The following CARNS1 variants were observed in gnomAD, a reference collection of about 807,000 sequenced individuals.
The protein encoded by CARNS1 is ATP-grasp domain containing 1.
CARNS1 carries 61 observed loss-of-function variants against 74.0 expected under a neutral mutation model. The observed-to-expected ratio is 0.82, with a 90% CI of 0.67 to 1.02. The LOEUF (loss-of-function observed/expected upper bound fraction) is 1.02. CARNS1 is among the 50% of genes least tolerant of loss of function. The pLI is 0.00. For missense variants in CARNS1, 1,278 were observed against 1,308.4 expected (o/e 0.98, Z 0.36); for synonymous variants, 568 against 605.5 (o/e 0.94, Z 0.91).
rs750645891 is a variant in CARNS1, at chr11:67,418,903, G to A, written c.512G>A (p.Arg171His). Residue 171 changes from arginine (R) to histidine (H), a missense_variant, in exon 5 of 10, where the codon CGT becomes CAT. Around this residue, in one of 3 missense-constraint regions of CARNS1, gnomAD observed 1,164 missense variants for 1,156.5 expected, o/e 1.01. Coordinates refer to ENST00000687366, the MANE Select transcript of CARNS1 (RefSeq NM_001166222.2). The part of the protein sequence containing the change: ...TFLDDFVPPR[R>H]ATYFLAGLGL... ...CTGGATGACTTTGTCCCCCCGCGCC[G>A]TGCCACCTACTTTTTGGCAGGCCTG... is the stretch of plus-strand genomic sequence containing the variant. 49 of 1,594,446 alleles carry A rather than the reference G, an allele frequency of 3.1e-5. No homozygotes were observed. The highest frequency in any genetic ancestry group is 4.6e-5 in the East Asian group (2 of 43,944).
chr11:67,423,547 G>A lies in CARNS1; in HGVS notation c.1799G>A (p.Cys600Tyr). ...GGCTGCTTCTCCTACTGGGATGACT[G>A]CCTGGTGCTCACAGCCCTGCTCTGC... ...LDGCFSYWDD[C>Y]LVLTALLCQE... is the part of the protein sequence containing the mutation. The change falls in exon 10 of 10, where the codon TGC (cysteine) becomes TAC (tyrosine). Residue 600 changes from cysteine to tyrosine, a missense_variant. Physicochemically the swap from Cys to Tyr is radical, Grantham distance 194 (BLOSUM62 -2). This residue lies in a region of CARNS1 where 1,164 missense variants were observed against 1,156.5 expected (regional missense o/e 1.01). Coordinates refer to ENST00000687366, the MANE Select transcript of CARNS1 (RefSeq NM_001166222.2). This position sits in a 1 kb window ranked among gnomAD's most constrained non-coding sequence, Gnocchi z 5.1. The A allele has an allele frequency of 2.5e-6, 4 of 1,612,604 alleles. No individual in the cohort carries two copies. Among genetic ancestry groups the A allele is most frequent in the Non-Finnish European group, 3.4e-6 (4 of 1,179,306 alleles).
In CARNS1 at chr11:67,421,240, G is replaced by A. The variant is rs1016458720; in HGVS notation, c.1626+21G>A. On this transcript the variant is annotated intron_variant, in intron 9 of 9. Coordinates refer to ENST00000687366, the MANE Select transcript of CARNS1 (RefSeq NM_001166222.2). ...TCCAGGTGGGCGGGGCGCGGGGCGG[G>A]GCTGGGCCCCAGGTCCTGGCCCGAG... is the stretch of plus-strand genomic sequence containing the variant. The A allele has an allele frequency of 2.0e-6, 3 of 1,470,692 alleles. No individual in the cohort carries two copies. In the African/African-American group the frequency reaches 4.4e-5, roughly 22 times the overall value. 91.1% of individuals were successfully genotyped at this position (1,470,692 alleles called of 1,614,324 possible).
Position 67,423,829 on chromosome 11 carries a change from G to C in CARNS1, c.2081G>C (p.Cys694Ser). ...GVRLVEDAPQ[C>S]HEHFSRITRD... ...CGGCTGGTAGAGGATGCGCCACAGT[G>C]CCATGAGCACTTTTCCCGGATTACC... is the stretch of plus-strand genomic sequence containing the variant. The change falls in exon 10 of 10, where the codon TGC (cysteine) becomes TCC (serine). Residue 694 changes from cysteine to serine, a missense_variant. Cys to Ser is a moderately radical substitution (Grantham distance 112). Transcript: ENST00000687366. This position sits in a 1 kb window ranked among gnomAD's most constrained non-coding sequence, Gnocchi z 5.1. 1 of 1,610,958 alleles carries C rather than the reference G, an allele frequency of 6.2e-7. No homozygotes were observed. Among genetic ancestry groups the C allele is most frequent in the Non-Finnish European group, 8.5e-7 (1 of 1,179,836 alleles).
chr11:67,416,075 C>T (rs1003012340), intron 1 of CARNS1, 101 bp from the exon 2 acceptor site: 21 of 747,382 alleles, frequency 2.8e-5, no homozygotes, highest in Middle Eastern at 2.3e-4. Flanking sequence ...GGACAGGTGT[C>T]GGCCACCTCT....
In CARNS1 at chr11:67,421,043, T is replaced by TGGGCC. The variant is rs1308376664; in HGVS notation, c.1452_1456dup (p.Ala486GlyfsTer83). 14 of 1,358,698 alleles carry TGGGCC rather than the reference T, an allele frequency of 1.0e-5. No homozygotes were observed. The highest frequency in any genetic ancestry group is 1.3e-5 in the Non-Finnish European group (14 of 1,066,524). The allele number at this position is 1,358,698 out of a possible 1,614,324, so 84.2% of individuals were successfully genotyped here. A position where few individuals can be genotyped will look rare whatever the true frequency, so the allele number is the denominator to read the frequency against. ...GGCGTGCGGCGCGCTGGAGGGGCTG[T>TGGGCC]GGGCCGCGCCGCGGCTGGGGCCGGC... On this transcript the variant is annotated frameshift_variant, in exon 9 of 10. Coordinates refer to ENST00000687366, the MANE Select transcript of CARNS1 (RefSeq NM_001166222.2). LOFTEE classifies it high-confidence loss of function.
In CARNS1 at chr11:67,423,595, G is replaced by T. The variant is rs763323072; in HGVS notation, c.1847G>T (p.Ser616Ile). The T allele has an allele frequency of 5.6e-6, 9 of 1,610,044 alleles. No homozygotes were observed. Among genetic ancestry groups the T allele is most frequent in the Non-Finnish European group, 7.6e-6 (9 of 1,178,480 alleles). The change falls in exon 10 of 10, where the codon AGC becomes ATC. Residue 616 changes from serine to isoleucine, a missense_variant. By Grantham distance (142) the Ser-to-Ile change is moderately radical. Transcript: ENST00000687366. The surrounding 1 kb of genome is among the most constrained non-coding windows in gnomAD (Gnocchi z 5.1). Reference sequence around the variant, plus strand: ...TGCCAGGAGCTAGGTCTGCCCTGCAGCTCCCCAGCTGCCATGCGCCTGGCT... The same window carrying T: ...TGCCAGGAGCTAGGTCTGCCCTGCATCTCCCCAGCTGCCATGCGCCTGGCT... Reference protein sequence around the residue: ...LLCQELGLPCSSPAAMRLAKQ... With the variant: ...LLCQELGLPCISPAAMRLAKQ...
At chr11:67,421,327 G>A in intron 9 of CARNS1, 108 bp downstream of exon 9, 1 of 1,232,752 alleles carries the variant, frequency 8.1e-7, no homozygotes, top group East Asian at 3.2e-5. Context: ...GGCGGGACCA[G>A]CCGCGCTAGA....
In CARNS1 at chr11:67,423,230, T is replaced by C. The variant is rs946302814; in HGVS notation, c.1627-145T>C. On this transcript the variant is annotated intron_variant, in intron 9 of 9. Transcript: ENST00000687366. This position sits in a 1 kb window ranked among gnomAD's most constrained non-coding sequence, Gnocchi z 5.1. ...GTCCCACTTCTGCCCCTTCCATTTATTCAGTCAATCCACAACACACATTTA... is the reference window on the plus strand; with the variant it reads ...GTCCCACTTCTGCCCCTTCCATTTACTCAGTCAATCCACAACACACATTTA... 1 of 829,542 alleles carries C rather than the reference T, an allele frequency of 1.2e-6. No homozygotes were observed. Among genetic ancestry groups the C allele is most frequent in the Non-Finnish European group, 1.9e-6 (1 of 537,986 alleles). 51.4% of individuals were successfully genotyped at this position (829,542 alleles called of 1,614,324 possible).
At chr11:67,417,160 TG>T in intron 2 of CARNS1, 23 of 1,211,984 alleles carry the variant, frequency 1.9e-5, no homozygotes, top group Non-Finnish European at 2.3e-5. Context: ...AGGGGCTGGC[TG>T]GCAAGACATT....
chr11:67,418,406 G>T, intron 3 of CARNS1, 25 bp from the exon 4 acceptor site: 4 of 1,432,222 alleles, frequency 2.8e-6, no homozygotes, highest in Non-Finnish European at 3.7e-6. Flanking sequence ...CCCCTGGTGA[G>T]CTGGGCCATG....
chr11:67,420,998 A>G lies in CARNS1; in HGVS notation c.1405A>G (p.Asn469Asp). The change falls in exon 9 of 10, where the codon AAC becomes GAC. Residue 469 changes from asparagine (N) to aspartate (D), a missense_variant. Physicochemically the swap from Asn to Asp is conservative, Grantham distance 23. Transcript: ENST00000687366. ...GCTGACCCCAGTGGCCCTGGAGCTG[A>G]ACGGCGGCCTGTGTCTGGAGGCGTG... The part of the protein sequence containing the change: ...GVLTPVALEL[N>D]GGLCLEACGA... 7.0e-7 allele frequency: 1 copy of G among 1,421,692 alleles called. No individual in the cohort carries two copies. The highest frequency in any genetic ancestry group is 1.4e-5 in the South Asian group (1 of 71,764). 88.1% of individuals were successfully genotyped at this position (1,421,692 alleles called of 1,614,324 possible). A position where few individuals can be genotyped will look rare whatever the true frequency, so the allele number is the denominator to read the frequency against.
chr11:67,419,966 T>C (rs1418036811), intron 7 of CARNS1, 128 bp downstream of exon 7: 2 of 918,998 alleles, frequency 2.2e-6, no homozygotes, highest in African/African-American at 1.6e-5. Flanking sequence ...GGGGTCGTAG[T>C]TGCCTCTGGG....
In CARNS1 at chr11:67,424,721, G is replaced by A. The variant is rs1863792729; in HGVS notation, c.*120G>A. 17 of 1,157,884 alleles carry A rather than the reference G, an allele frequency of 1.5e-5. 1 individual carries two copies. In the South Asian group the frequency reaches 2.4e-4, roughly 16 times the overall value. The allele number at this position is 1,157,884 out of a possible 1,614,324, so 71.7% of individuals were successfully genotyped here. ...TGCCCCAGCCCCAGCCTGGCCCGCT[G>A]CAATGCCTAGGTCTGTTCCAGAGCA... On this transcript the variant is annotated 3_prime_UTR_variant, in exon 10 of 10. Transcript: ENST00000687366.
Position 67,424,481 on chromosome 11 carries a change from T to C in CARNS1, c.2733T>C (p.Ser911=), listed in dbSNP as rs1046405241. The change falls in exon 10 of 10, where the codon AGT becomes AGC. Residue 911 remains serine (S), a synonymous_variant. Coordinates refer to ENST00000687366, the MANE Select transcript of CARNS1 (RefSeq NM_001166222.2). The part of the protein sequence containing the change: ...VPGEYEEPYC[S]VACAGPSPTE... ...GCGAGTATGAGGAGCCCTACTGCAG[T>C]GTGGCCTGTGCCGGACCCAGCCCCA... 6.3e-7 allele frequency: 1 copy of C among 1,587,754 alleles called. No homozygotes were observed. The highest frequency in any genetic ancestry group is 8.6e-7 in the Non-Finnish European group (1 of 1,168,600).
chr11:67,417,728 C>T (rs559208092), intron 3 of CARNS1, 51 bp downstream of exon 3: 1 of 1,194,806 alleles, frequency 8.4e-7, no homozygotes, highest in African/African-American at 1.6e-5. Flanking sequence ...GGGAGGGGCC[C>T]TCAGCCCAGT....
In CARNS1 at chr11:67,424,785, G is replaced by C. The variant is rs1368520017; in HGVS notation, c.*184G>C. On this transcript the variant is annotated 3_prime_UTR_variant, in exon 10 of 10. Coordinates refer to ENST00000687366, the MANE Select transcript of CARNS1 (RefSeq NM_001166222.2). ...GACACCAAGGCATCCTGGACTCAAG[G>C]GCCTCTTGCCCTCCCGAAGGCCCCA... 1 of 697,558 alleles carries C rather than the reference G, an allele frequency of 1.4e-6. No individual in the cohort carries two copies. The highest frequency in any genetic ancestry group is 1.8e-5 in the African/African-American group (1 of 55,530). The allele number at this position is 697,558 out of a possible 1,614,324, so 43.2% of individuals were successfully genotyped here.
At chr11:67,420,200 A>T (rs1264823148) in intron 7 of CARNS1, among the ~76,000 whole-genome samples, 1 of 152,106 alleles carries the variant, frequency 6.6e-6, no homozygotes, top group Non-Finnish European at 1.5e-5. Flanking sequence ...TAAGCTGGAG[A>T]GTCAGGAAGG....
At chr11:67,420,908 T>C (rs1009048386) in intron 8 of CARNS1, 31 bp from the exon 9 acceptor site, 1 of 1,355,866 alleles carries the variant, frequency 7.4e-7, no homozygotes, top group Non-Finnish European at 9.5e-7. Flanking sequence ...GTGGCTGCCG[T>C]AGCTGAGCTC....
rs1333632710 is a variant in CARNS1 at position 67,423,726 on chromosome 11, G to T, written c.1978G>T (p.Asp660Tyr). 6.3e-7 allele frequency: 1 copy of T among 1,579,384 alleles called. No individual in the cohort carries two copies. The highest frequency in any genetic ancestry group is 8.6e-7 in the Non-Finnish European group (1 of 1,167,862). The part of the protein sequence containing the change: ...VPCCPLESEA[D>Y]VERAVHQVPL... ...CTGCTGCCCACTGGAGAGTGAGGCT[G>T]ATGTGGAGAGGGCCGTGCACCAGGT... Residue 660 changes from aspartate to tyrosine, a missense_variant, in exon 10 of 10, where the codon GAT (aspartate) becomes TAT (tyrosine). Asp to Tyr is a radical substitution (Grantham distance 160). Coordinates refer to ENST00000687366, the MANE Select transcript of CARNS1 (RefSeq NM_001166222.2). This position sits in a 1 kb window ranked among gnomAD's most constrained non-coding sequence, Gnocchi z 5.1.
Sources: allele counts gnomAD v4.1 joint callset (sites outside exome capture counted in the v4.1 genomes callset), GRCh38; gene constraint gnomAD v4.1.1; regional missense constraint gnomAD v4.1.1; non-coding constraint Gnocchi (gnomAD v3.1); transcripts MANE v1.5; gene names NCBI Gene and HGNC (gene_info 2026-07-23, HGNC 2026-07-21).